CDCA7L: variants seen among roughly 807,000 people sequenced by gnomAD.
CDCA7L encodes cell division cycle associated 7 like, also known as cell division cycle-associated 7-like protein.
Under a neutral mutation model 57.4 loss-of-function variants are expected in CDCA7L, and 44 were observed. That is an observed-to-expected ratio of 0.77 (90% CI 0.60 to 0.98). The LOEUF (loss-of-function observed/expected upper bound fraction) is 0.98, where lower values mean the gene tolerates loss of function less well. Among genes scored for constraint, CDCA7L ranks in the 50% least tolerant of loss-of-function variants. CDCA7L has a pLI of 0.00. For missense variants in CDCA7L, 644 were observed against 580.6 expected, an observed-to-expected ratio of 1.11 and a Z score of -1.12; for synonymous variants, 236 against 202.8, an observed-to-expected ratio of 1.16 and a Z score of -1.39.
chr7:21,926,242 A>G (rs1171325097), intron 1 of CDCA7L, among the ~76,000 whole-genome samples: 1 of 152,130 alleles, frequency 6.6e-6, no homozygotes, highest in African/African-American at 2.4e-5. Flanking sequence ...TAAAAAAAAT[A>G]CAAACTCATG....
intron 1 of CDCA7L, among the ~76,000 whole-genome samples, chr7:21,922,500 G>A (rs914350573): frequency 6.6e-6 from 1 of 152,170 alleles, no homozygotes; most frequent in Admixed American, 6.5e-5. Context: ...GAATCTGAGT[G>A]TTGGTAAGAA....
chr7:21,912,555 C>A (rs1265013051), intron 2 of CDCA7L, among the ~76,000 whole-genome samples: 1 of 152,186 alleles, frequency 6.6e-6, no homozygotes, highest in Admixed American at 6.5e-5. Context: ...GTTGGCTTCC[C>A]TTTCCAACAG....
At chr7:21,938,957 C>A (rs1485405139) in intron 1 of CDCA7L, among the ~76,000 whole-genome samples, 2 of 152,036 alleles carry the variant, frequency 1.3e-5, no homozygotes, top group Non-Finnish European at 2.9e-5. Context: ...CGCAGTGAGC[C>A]ACGATAGCAC....
chr7:21,902,796 C>CCTAATAGGGAAAATAT (rs1183070684), intron 9 of CDCA7L, 182 bp downstream of exon 9: 65 of 586,404 alleles, frequency 1.1e-4, no homozygotes, highest in Non-Finnish European at 1.7e-4. Context: ...GAGAAGATTC[C>CCTAATAGGGAAAATAT]CTAATAGGGA....
In CDCA7L at chr7:21,902,262, G is replaced by A. The variant is rs1784924537; in HGVS notation, c.*60C>T. The A allele has an allele frequency of 2.7e-6, 4 of 1,475,026 alleles. No homozygotes were observed. Among genetic ancestry groups the A allele is most frequent in the Admixed American group, 3.4e-5 (2 of 59,416 alleles). 91.4% of individuals were successfully genotyped at this position (1,475,026 alleles called of 1,614,324 possible). ...AAAAAAATCTTTCTTAGGCACCAAT[G>A]GTATGCATGTCTTGTTGGAGTACTC... On this transcript the variant is annotated 3_prime_UTR_variant, in exon 10 of 10. Coordinates refer to ENST00000406877, the MANE Select transcript of CDCA7L (RefSeq NM_018719.5).
intron 1 of CDCA7L, among the ~76,000 whole-genome samples, chr7:21,940,790 A>G (rs368350049): frequency 3.9e-5 from 6 of 152,244 alleles, no homozygotes; most frequent in East Asian, 1.9e-4. Flanking sequence ...AATTCCCCAT[A>G]GCCCTAATCT....
intron 1 of CDCA7L, among the ~76,000 whole-genome samples, chr7:21,917,799 T>C (rs1480172478): frequency 1.3e-5 from 2 of 152,234 alleles, no homozygotes; most frequent in East Asian, 3.8e-4. Context: ...AACATTGTAT[T>C]GATTGGCCCG....
intron 1 of CDCA7L, among the ~76,000 whole-genome samples, chr7:21,931,508 C>G (rs1490781984): frequency 6.6e-6 from 1 of 152,190 alleles, no homozygotes; most frequent in Non-Finnish European, 1.5e-5. Context: ...ATCACATAAA[C>G]AGAACCAATG....
intron 2 of CDCA7L, among the ~76,000 whole-genome samples, chr7:21,915,270 G>C (rs185443528): frequency 1.8e-4 from 27 of 152,274 alleles, no homozygotes; most frequent in African/African-American, 6.3e-4. Flanking sequence ...GGGGAAGCCA[G>C]AAAGACAACC....
chr7:21,905,449 A>G (rs987215016), intron 7 of CDCA7L, 57 bp downstream of exon 7: 2 of 1,578,368 alleles, frequency 1.3e-6, no homozygotes, highest in East Asian at 4.5e-5. Context: ...AACAAGTGAG[A>G]TTTCAATACC....
rs774641364 is a variant in CDCA7L at position 21,905,614 on chromosome 7, G to A, written c.939C>T (p.Tyr313=). The A allele has an allele frequency of 6.2e-6, 10 of 1,613,854 alleles. No individual in the cohort carries two copies. The highest frequency in any genetic ancestry group is 4.5e-5 in the East Asian group (2 of 44,884). ...RKTIGGKCRE[Y]RRRHRISSFR... ...AAGAAGATATACGGTGACGTCGTCT[G>A]TACTCCCGGCATTTCCCCTGCACAA... Residue 313 remains tyrosine, a synonymous_variant, in exon 7 of 10, where the codon TAC becomes TAT. Coordinates refer to ENST00000406877, the MANE Select transcript of CDCA7L (RefSeq NM_018719.5).
At chr7:21,944,834 G>A (rs1786465715) in intron 1 of CDCA7L, 1 of 151,562 alleles carries the variant, frequency 6.6e-6, no homozygotes, top group South Asian at 2.1e-4. Flanking sequence ...TCGGAAGCAA[G>A]GTGGAAGCAG....
In CDCA7L at chr7:21,908,146, T is replaced by C; in HGVS notation, c.665A>G (p.Lys222Arg). The change falls in exon 4 of 10, where the codon AAG (lysine) becomes AGG (arginine). Residue 222 changes from lysine to arginine, a missense_variant. Lys to Arg is a conservative substitution (Grantham distance 26). Transcript: ENST00000406877. ...DALLKRTMNIKENKAMLAQLL... is the reference protein window; with the variant it reads ...DALLKRTMNIRENKAMLAQLL... ...AAGCCTCACCATGGCTTTGTTCTCC[T>C]TGATGTTCATGGTCCTTTTCAGCAA... 6.4e-7 allele frequency: 1 copy of C among 1,560,126 alleles called. No individual in the cohort carries two copies. Among genetic ancestry groups the C allele is most frequent in the Non-Finnish European group, 8.6e-7 (1 of 1,163,838 alleles).
intron 1 of CDCA7L, among the ~76,000 whole-genome samples, chr7:21,935,880 G>A (rs1786146760): frequency 6.6e-6 from 1 of 151,922 alleles, no homozygotes; most frequent in Non-Finnish European, 1.5e-5. Context: ...TTGGTGGTGG[G>A]CGCCTGTAAT....
chr7:21,918,834 A>C (rs1385396622), intron 1 of CDCA7L, among the ~76,000 whole-genome samples: 1 of 152,188 alleles, frequency 6.6e-6, no homozygotes, highest in African/African-American at 2.4e-5. Context: ...TTTAAAACAA[A>C]ACAAAACAAA....
chr7:21,945,169 C>T (rs187160687), intron 1 of CDCA7L, among the ~76,000 whole-genome samples: 204 of 152,188 alleles, frequency 1.3e-3, no homozygotes, highest in African/African-American at 4.8e-3. Flanking sequence ...AGGCCCTTAA[C>T]GCGTAATTGG....
intron 1 of CDCA7L, chr7:21,944,848 G>C (rs1344552292): frequency 2.7e-5 from 4 of 150,564 alleles, no homozygotes; most frequent in African/African-American, 7.4e-5. Context: ...GAAGCAGTGA[G>C]TCTCGCGACT....
In CDCA7L at chr7:21,908,484, A is replaced by C. The variant is rs1229485030; in HGVS notation, c.327T>G (p.Asp109Glu). 1 of 1,537,664 alleles carries C rather than the reference A, an allele frequency of 6.5e-7. No homozygotes were observed. ...CGCTCACCAAAGATGCTTTGCCATC[A>C]TCACTCAAATCTGACTCCACGACCT... is the stretch of plus-strand genomic sequence containing the variant. The part of the protein sequence containing the change: ...EVMVVESDLS[D>E]DGKASLVSEE... Residue 109 changes from aspartate (D) to glutamate (E), a missense_variant, in exon 4 of 10, where the codon GAT (aspartate) becomes GAG (glutamate). Transcript: ENST00000406877.
intron 9 of CDCA7L, 154 bp downstream of exon 9, chr7:21,902,824 T>C: frequency 1.5e-6 from 1 of 673,110 alleles, no homozygotes; most frequent in South Asian, 2.3e-5. Context: ...AGGCCTGAGC[T>C]TTTCCAATGC....
Sources: gnomAD v4.1 joint callset for allele counts (sites outside exome capture counted in the v4.1 genomes callset) on GRCh38, gnomAD v4.1.1 for gene constraint, MANE v1.5 for transcripts, NCBI Gene and HGNC (gene_info 2026-07-23, HGNC 2026-07-21) for gene names.